Variants in PTPRD observed in about 807,000 individuals in gnomAD.
PTPRD encodes protein tyrosine phosphatase receptor type D, also known as receptor-type tyrosine-protein phosphatase delta.
In PTPRD, 34 loss-of-function variants were observed where a neutral mutation model predicts 214.5. The observed-to-expected ratio is 0.16, with a 90% confidence interval of 0.12 to 0.21. The LOEUF (loss-of-function observed/expected upper bound fraction) is 0.21, where lower values mean the gene tolerates loss of function less well. PTPRD is among the 10% of genes least tolerant of loss of function. The pLI is 1.00. For synonymous variants in PTPRD, 1,128 were observed against 845.7 expected, an observed-to-expected ratio of 1.33 and a Z score of -5.79; for missense variants, 2,545 against 2,398.7, an observed-to-expected ratio of 1.06 and a Z score of -1.27.
chr9:9,989,970 G>C (rs1005090098), intron 4 of PTPRD, among the ~76,000 whole-genome samples: 1 of 152,194 alleles, frequency 6.6e-6, no homozygotes, highest in East Asian at 1.9e-4. Flanking sequence ...TCCCGCAAAG[G>C]GGTCAAGGGG....
At chr9:9,272,990 C>T (rs1382969053) in intron 9 of PTPRD, among the ~76,000 whole-genome samples, 1 of 151,252 alleles carries the variant, frequency 6.6e-6, no homozygotes, top group Non-Finnish European at 1.5e-5. Context: ...TGTTGTGAAG[C>T]TGTCTTTGTG....
intron 2 of PTPRD, among the ~76,000 whole-genome samples, chr9:10,589,053 C>T (rs989927494): frequency 2.0e-5 from 3 of 151,900 alleles, no homozygotes; most frequent in African/African-American, 7.2e-5. Flanking sequence ...CAGGGCTGGA[C>T]CCAAATAATT....
chr9:9,992,298 A>T (rs967774192), intron 4 of PTPRD, among the ~76,000 whole-genome samples: 4 of 152,232 alleles, frequency 2.6e-5, no homozygotes, highest in African/African-American at 9.6e-5. Context: ...ATAAAAAGTT[A>T]TAATAATAAA....
intron 44 of PTPRD, among the ~76,000 whole-genome samples, chr9:8,328,381 G>C (rs11560545): frequency 0.11 from 17,487 of 152,214 alleles, 1,255 homozygotes; most frequent in African/African-American, 0.19. Context: ...GCTGTCGAGA[G>C]ACCTGCTGTT....
intron 11 of PTPRD, among the ~76,000 whole-genome samples, chr9:8,800,156 T>C (rs2096542084): frequency 6.6e-6 from 1 of 152,100 alleles, no homozygotes; most frequent in South Asian, 2.1e-4. Context: ...TATGTATGTA[T>C]GTGTGCATGC....
chr9:8,506,633 C>G (rs1468339990), intron 22 of PTPRD, among the ~76,000 whole-genome samples: 1 of 152,140 alleles, frequency 6.6e-6, no homozygotes, highest in Non-Finnish European at 1.5e-5. Context: ...AGGCTAGCTC[C>G]AGTGCTACTA....
chr9:8,565,536 C>A (rs2088649636), intron 14 of PTPRD, among the ~76,000 whole-genome samples: 1 of 152,052 alleles, frequency 6.6e-6, no homozygotes, highest in South Asian at 2.1e-4. Context: ...TGACACTTCA[C>A]GTTTTAGATC....
chr9:8,787,444 T>C (rs1486038446), intron 11 of PTPRD, among the ~76,000 whole-genome samples: 1 of 152,208 alleles, frequency 6.6e-6, no homozygotes, highest in East Asian at 1.9e-4. Flanking sequence ...ATTTTTTACC[T>C]TCTCATTTTC....
chr9:8,677,460 G>A lies in PTPRD; in HGVS notation c.65-40616C>T, dbSNP rs2097450472. Among the ~76,000 whole-genome samples, 4 of 152,144 alleles carry A rather than the reference G, an allele frequency of 2.6e-5. No homozygotes were observed. In the South Asian group the frequency reaches 8.3e-4, roughly 31 times the overall value. ...ACCTCAAGTTCTCACTTATAAACGG[G>A]AGCTAAACATTGAGTACACACAAAC... On this transcript the variant is annotated intron_variant, in intron 12 of 45. Transcript: ENST00000381196.
intron 8 of PTPRD, among the ~76,000 whole-genome samples, chr9:9,467,085 A>AC (rs1555442551): frequency 6.6e-6 from 1 of 151,692 alleles, no homozygotes; most frequent in Non-Finnish European, 1.5e-5. Context: ...CTCAATACCT[A>AC]TTTTTTCATT....
intron 35 of PTPRD, among the ~76,000 whole-genome samples, chr9:8,418,219 C>CTTTTTTTTTT (rs370640821): frequency 2.0e-5 from 3 of 150,256 alleles, no homozygotes; most frequent in African/African-American, 2.4e-5. Flanking sequence ...CTTTCTTATC[C>CTTTTTTTTTT]TTTTCTTTTT....
chr9:9,770,053 GTGC>G (rs1399901658), intron 5 of PTPRD, among the ~76,000 whole-genome samples: 1 of 152,156 alleles, frequency 6.6e-6, no homozygotes, highest in South Asian at 2.1e-4. Flanking sequence ...ATTGTGAACA[GTGC>G]TGCAATAAAC....
At chr9:9,637,199 A>C (rs2095799546) in intron 7 of PTPRD, among the ~76,000 whole-genome samples, 1 of 152,086 alleles carries the variant, frequency 6.6e-6, no homozygotes, top group African/African-American at 2.4e-5. Context: ...TGTCATTTTC[A>C]CACACAAAAT....
At chr9:10,594,912 T>G (rs1415598830) in intron 2 of PTPRD, among the ~76,000 whole-genome samples, 1 of 152,012 alleles carries the variant, frequency 6.6e-6, no homozygotes, top group East Asian at 1.9e-4. Flanking sequence ...TTTAAAGAGA[T>G]AGAAGTGATA....
chr9:9,864,288 A>G (rs930980430), intron 5 of PTPRD, among the ~76,000 whole-genome samples: 3 of 152,084 alleles, frequency 2.0e-5, no homozygotes, highest in African/African-American at 7.2e-5. Flanking sequence ...CCTGGGTAAC[A>G]GAGTGAGACT....
chr9:8,764,584 T>C (rs1033116561), intron 11 of PTPRD, among the ~76,000 whole-genome samples: 4 of 151,924 alleles, frequency 2.6e-5, no homozygotes, highest in Non-Finnish European at 4.4e-5. Context: ...GATCACAAGG[T>C]CAGGAGTTCA....
intron 43 of PTPRD, among the ~76,000 whole-genome samples, chr9:8,332,714 A>G (rs1258467890): frequency 1.3e-5 from 2 of 152,168 alleles, no homozygotes; most frequent in Non-Finnish European, 2.9e-5. Flanking sequence ...AGTGGAAGGG[A>G]GCCTCTGTTT....
intron 9 of PTPRD, among the ~76,000 whole-genome samples, chr9:9,375,079 G>T (rs2060432412): frequency 1.3e-5 from 2 of 152,154 alleles, no homozygotes; most frequent in Admixed American, 1.3e-4. Flanking sequence ...CTCTGTGTGT[G>T]TATGTGTATG....
intron 9 of PTPRD, among the ~76,000 whole-genome samples, chr9:9,245,072 C>G (rs1009670155): frequency 6.6e-6 from 1 of 152,250 alleles, no homozygotes. Context: ...AAATGCAAAT[C>G]AAAACCACAA....
Sources: allele counts gnomAD v4.1 joint callset (sites outside exome capture counted in the v4.1 genomes callset), GRCh38; gene constraint gnomAD v4.1.1; transcripts MANE v1.5; gene names NCBI Gene and HGNC (gene_info 2026-07-23, HGNC 2026-07-21).